The following CPXM2 variants were observed in gnomAD, a reference collection of about 807,000 sequenced individuals.
CPXM2 encodes carboxypeptidase X, M14 family member 2.
Under a neutral mutation model 86.1 loss-of-function variants are expected in CPXM2, and 66 were observed. The ratio of observed to expected loss-of-function variants is 0.77; its 90% CI spans 0.63 to 0.94. The LOEUF (loss-of-function observed/expected upper bound fraction) is 0.94, where lower values mean the gene tolerates loss of function less well. Ranked by LOEUF, CPXM2 falls within the 40% of genes least tolerant of loss-of-function variation. The probability of loss-of-function intolerance (pLI) is 0.00; values close to 1 mark genes in which losing one functional copy is unlikely to be tolerated. For synonymous variants in CPXM2, 388 were observed against 400.2 expected (o/e 0.97, Z 0.36); for missense variants, 948 against 1,026.3 (o/e 0.92, Z 1.04).
In CPXM2 at chr10:123,828,293, G is replaced by A. The variant is rs556192647; in HGVS notation, c.653+14056C>T. 5.9e-5 allele frequency among the ~76,000 whole-genome samples: 9 copies of A among 152,256 alleles called. No homozygotes were observed. The East Asian group carries it at 1.5e-3, about 26-fold the overall frequency. ...GGAAGGATAGATCTTTTCAACAATT[G>A]GTACTGAAGCAATTAAGTATTTATA... On this transcript the variant is annotated intron_variant, in intron 4 of 13. Transcript: ENST00000241305.
chr10:123,909,913 A>ACG (rs1264553763), intron 2 of CPXM2, among the ~76,000 whole-genome samples: 1 of 152,152 alleles, frequency 6.6e-6, no homozygotes, highest in African/African-American at 2.4e-5. Context: ...TAGTCCCTCC[A>ACG]TGCTGATGCA....
At chr10:123,839,349 T>C (rs1346640642) in intron 4 of CPXM2, among the ~76,000 whole-genome samples, 1 of 152,166 alleles carries the variant, frequency 6.6e-6, no homozygotes, top group African/African-American at 2.4e-5. Context: ...CTTACATGTA[T>C]AATATAAATA....
At chr10:123,927,960 C>A (rs1175169270) in intron 2 of CPXM2, among the ~76,000 whole-genome samples, 1 of 152,202 alleles carries the variant, frequency 6.6e-6, no homozygotes, top group African/African-American at 2.4e-5. Flanking sequence ...GATCTGCACA[C>A]CCCTGAGGAC....
At chr10:123,937,504 C>CACACACACACAA (rs1945734202) in intron 2 of CPXM2, among the ~76,000 whole-genome samples, 1 of 134,422 alleles carries the variant, frequency 7.4e-6, no homozygotes, top group Non-Finnish European at 1.5e-5. Flanking sequence ...CACACACACA[C>CACACACACACAA]ACACACACAC....
At chr10:123,924,584 C>T (rs1313711257) in intron 2 of CPXM2, among the ~76,000 whole-genome samples, 2 of 152,204 alleles carry the variant, frequency 1.3e-5, no homozygotes, top group East Asian at 1.9e-4. Flanking sequence ...GGCACAGGGA[C>T]GTGTTCACCA....
chr10:123,822,019 C>T (rs2134113994), intron 4 of CPXM2, among the ~76,000 whole-genome samples: 1 of 152,290 alleles, frequency 6.6e-6, no homozygotes, highest in East Asian at 1.9e-4. Flanking sequence ...GTTTCTTCAA[C>T]ACATTCCTGT....
chr10:123,786,922 C>A (rs1408545268), intron 6 of CPXM2, among the ~76,000 whole-genome samples: 1 of 152,196 alleles, frequency 6.6e-6, no homozygotes, highest in Non-Finnish European at 1.5e-5. Context: ...TCAGTGCCAA[C>A]CTGCCCCCCT....
At chr10:123,943,778 G>T (rs1393017079), upstream of CPXM2, among the ~76,000 whole-genome samples, 1 of 152,206 alleles carries the variant, frequency 6.6e-6, no homozygotes, top group Non-Finnish European at 1.5e-5. Context: ...GAAGCCACCT[G>T]CAAAGACAAA....
intron 3 of CPXM2, among the ~76,000 whole-genome samples, chr10:123,859,122 G>T (rs778517878): frequency 6.6e-6 from 1 of 152,172 alleles, no homozygotes; most frequent in Admixed American, 6.5e-5. Flanking sequence ...CCGGCACAGC[G>T]CTAGGCTAAA....
At chr10:123,923,190 G>T (rs1188636999) in intron 2 of CPXM2, among the ~76,000 whole-genome samples, 1 of 145,080 alleles carries the variant, frequency 6.9e-6, no homozygotes, top group African/African-American at 2.8e-5. Flanking sequence ...TCGTGGAAAA[G>T]AAAAAGAAAA....
chr10:123,776,005 A>G (rs1196485408), intron 7 of CPXM2, among the ~76,000 whole-genome samples: 1 of 152,128 alleles, frequency 6.6e-6, no homozygotes, highest in African/African-American at 2.4e-5. Flanking sequence ...TTTGTGGTAA[A>G]TGTTTGGGTC....
At chr10:123,814,034 C>T (rs1847752351) in intron 4 of CPXM2, among the ~76,000 whole-genome samples, 1 of 152,174 alleles carries the variant, frequency 6.6e-6, no homozygotes, top group Non-Finnish European at 1.5e-5. Flanking sequence ...ACACCTGATC[C>T]AATACATTCT....
chr10:123,875,807 CTTTTTTT>C lies in CPXM2; in HGVS notation c.403+4397_403+4403del, dbSNP rs780970130. ...GAGATCATGTTTCTTTCTTTTCTTTCTTTTTTTTTTTTTTTTTTTTTTTTGGTGGGAC... is the reference window on the plus strand; with the variant it reads ...GAGATCATGTTTCTTTCTTTTCTTTCTTTTTTTTTTTTTTTTTGGTGGGAC... On this transcript the variant is annotated intron_variant, in intron 2 of 13. Transcript: ENST00000241305. Among the ~76,000 whole-genome samples the C allele has an allele frequency of 1.9e-3, 161 of 84,672 alleles. 2 individuals carry two copies. Among genetic ancestry groups the C allele is most frequent in the African/African-American group, 5.3e-3 (125 of 23,586 alleles). The allele number at this position is 84,672 out of a possible 152,430, so 55.5% of individuals were successfully genotyped here.
chr10:123,854,072 T>C (rs1168022301), intron 3 of CPXM2, among the ~76,000 whole-genome samples: 3 of 151,138 alleles, frequency 2.0e-5, no homozygotes, highest in African/African-American at 7.3e-5. Context: ...TTCCCAACCA[T>C]GCACCTCCAG....
chr10:123,817,458 G>A (rs975022539), intron 4 of CPXM2, among the ~76,000 whole-genome samples: 1 of 152,154 alleles, frequency 6.6e-6, no homozygotes, highest in East Asian at 1.9e-4. Context: ...CTGTTACTGG[G>A]CTTTGGTGTA....
At chr10:123,880,145 T>TGGGGCCCCCCCCCCCCCC in intron 2 of CPXM2, 66 bp downstream of exon 2, 2 of 407,574 alleles carry the variant, frequency 4.9e-6, no homozygotes, top group African/African-American at 2.1e-5. Context: ...CAGGGGCCTG[T>TGGGGCCCCCCCCCCCCCC]ACCCACCCAC....
At position 123,830,872 on chromosome 10, in the gene CPXM2, C is replaced by CTGTG. The variant is rs34599295; in HGVS notation, c.653+11473_653+11476dup. 2.8e-3 allele frequency among the ~76,000 whole-genome samples: 397 copies of CTGTG among 142,794 alleles called. 4 individuals carry two copies. The highest frequency in any genetic ancestry group is 0.021 in the Middle Eastern group (6 of 288). The allele number at this position is 142,794 out of a possible 152,430, so 93.7% of individuals were successfully genotyped here. A position where few individuals can be genotyped will look rare whatever the true frequency, so the allele number is the denominator to read the frequency against. On this transcript the variant is annotated intron_variant, in intron 4 of 13. Transcript: ENST00000241305. ...CACTCATCTCTCTCTCTCTCTCTCT[C>CTGTG]TGTGTGTGTGTGTGTGTGTGTGTGT...
At chr10:123,819,423 AAGAAGGT>A (rs1174457767) in intron 4 of CPXM2, among the ~76,000 whole-genome samples, 1 of 152,324 alleles carries the variant, frequency 6.6e-6, no homozygotes, top group African/African-American at 2.4e-5. Flanking sequence ...TGGGTAATAG[AAGAAGGT>A]AGTCATTAAT....
chr10:123,786,348 CCT>C (rs148397180), intron 6 of CPXM2, among the ~76,000 whole-genome samples: 2,610 of 152,258 alleles, frequency 0.017, 27 homozygotes, highest in South Asian at 0.024. Flanking sequence ...TCCTCTTCAT[CCT>C]CTGTTTTGGG....
Sources: allele counts gnomAD v4.1 joint callset (sites outside exome capture counted in the v4.1 genomes callset), GRCh38; gene constraint gnomAD v4.1.1; transcripts MANE v1.5; gene names NCBI Gene and HGNC (gene_info 2026-07-23, HGNC 2026-07-21).